The following MFN1 variants were observed in gnomAD, a reference collection of about 807,000 sequenced individuals.
MFN1 encodes the protein mitofusin 1.
Under a neutral mutation model 92.4 loss-of-function variants are expected in MFN1, and 65 were observed. The observed-to-expected ratio is 0.70, with a 90% confidence interval of 0.58 to 0.86. The LOEUF (loss-of-function observed/expected upper bound fraction) is 0.86. Among genes scored for constraint, MFN1 ranks in the 40% least tolerant of loss-of-function variants. The pLI is 0.00. For missense variants in MFN1, 781 were observed against 868.0 expected (o/e 0.90, Z 1.26); for synonymous variants, 297 against 300.9 (o/e 0.99, Z 0.13).
chr3:179,348,636 C>A, intron 1 of MFN1: 1 of 599,194 alleles, frequency 1.7e-6, no homozygotes, highest in Non-Finnish European at 2.5e-6. Flanking sequence ...AAGATTTTGG[C>A]TAATAGATTT....
At chr3:179,375,493 C>A in intron 10 of MFN1, 152 bp downstream of exon 10, 1 of 911,718 alleles carries the variant, frequency 1.1e-6, no homozygotes. Context: ...TTTTTAAGTG[C>A]GTATTTGAAA....
chr3:179,370,392 CTTTTTTT>C (rs34938438), intron 9 of MFN1, among the ~76,000 whole-genome samples: 18 of 88,072 alleles, frequency 2.0e-4, no homozygotes, highest in African/African-American at 8.1e-4. Flanking sequence ...TCACTAAGTT[CTTTTTTT>C]TTTTTTTTTT....
chr3:179,392,031 T>C lies in MFN1; in HGVS notation c.2198T>C (p.Phe733Ser). The C allele has an allele frequency of 6.2e-7, 1 of 1,611,594 alleles. No homozygotes were observed. The highest frequency in any genetic ancestry group is 2.2e-5 in the East Asian group (1 of 44,788). ...GAGCTGGAGAATTTTACTAAGCAGTTTCTACCTTCAAGCAATGAAGAATCC... is the reference window on the plus strand; with the variant it reads ...GAGCTGGAGAATTTTACTAAGCAGTCTCTACCTTCAAGCAATGAAGAATCC... ...ENELENFTKQFLPSSNEES is the reference protein window; with the variant it reads ...ENELENFTKQSLPSSNEES The change falls in exon 18 of 18, where the codon TTT becomes TCT. Residue 733 changes from phenylalanine (F) to serine (S), a missense_variant. Coordinates refer to ENST00000471841, the MANE Select transcript of MFN1 (RefSeq NM_033540.3).
chr3:179,384,144 T>TTG (rs1389724871), intron 14 of MFN1, among the ~76,000 whole-genome samples: 1 of 152,226 alleles, frequency 6.6e-6, no homozygotes, highest in Non-Finnish European at 1.5e-5. Flanking sequence ...GGTATCAGTG[T>TTG]TGTAGGATGT....
intron 1 of MFN1, chr3:179,348,085 T>TG: frequency 6.6e-6 from 1 of 152,388 alleles, no homozygotes; most frequent in Non-Finnish European, 1.5e-5. Flanking sequence ...CCCTGACTCC[T>TG]GCGCCCGGTG....
At position 179,394,373 on chromosome 3, in the gene MFN1, T is replaced by C. The variant is rs1167586757; in HGVS notation, c.*2314T>C. On this transcript the variant is annotated 3_prime_UTR_variant, in exon 18 of 18. Transcript: ENST00000471841. ...TGATCAATTGTGAAAACATAATGAA[T>C]GTTGGAAATGGAACAGTAAAATAAC... 1 of 151,856 alleles carries C rather than the reference T, an allele frequency of 6.6e-6. No individual in the cohort carries two copies. The highest frequency in any genetic ancestry group is 1.5e-5 in the Non-Finnish European group (1 of 68,032). The allele number at this position is 151,856 out of a possible 1,614,324, so 9.4% of individuals were successfully genotyped here.
At chr3:179,370,176 A>G (rs1390511601) in intron 9 of MFN1, among the ~76,000 whole-genome samples, 1 of 151,966 alleles carries the variant, frequency 6.6e-6, no homozygotes, top group Non-Finnish European at 1.5e-5. Flanking sequence ...AAATTGGTGT[A>G]TTTCTGAACA....
At chr3:179,350,606 T>C (rs1712107438) in intron 2 of MFN1, among the ~76,000 whole-genome samples, 1 of 152,148 alleles carries the variant, frequency 6.6e-6, no homozygotes, top group Admixed American at 6.5e-5. Context: ...GTAAAAATGT[T>C]GCAAAAAGGA....
At chr3:179,376,531 T>C (rs1713247515) in intron 10 of MFN1, among the ~76,000 whole-genome samples, 1 of 152,166 alleles carries the variant, frequency 6.6e-6, no homozygotes, top group Non-Finnish European at 1.5e-5. Flanking sequence ...GAACAAACTT[T>C]TGTTTAAAAA....
rs146784006 is a variant in MFN1, at chr3:179,386,857, A to G, written c.2012+228A>G. 5.4e-4 allele frequency among the ~76,000 whole-genome samples: 82 copies of G among 152,230 alleles called. 3 individuals carry two copies. In the East Asian group the frequency reaches 6.6e-3, roughly 12 times the overall value. The stretch of plus-strand genomic sequence containing the variant: ...TTCTCCTGATAGATTAGGTTTGAAC[A>G]TTAGAAAATTGGTAGATAGGAACTC... On this transcript the variant is annotated intron_variant, in intron 16 of 17. Coordinates refer to ENST00000471841, the MANE Select transcript of MFN1 (RefSeq NM_033540.3).
At chr3:179,387,815 G>A (rs192325809) in intron 16 of MFN1, among the ~76,000 whole-genome samples, 9 of 146,690 alleles carry the variant, frequency 6.1e-5, no homozygotes, top group Non-Finnish European at 1.0e-4. Flanking sequence ...CACAACCTCC[G>A]CCTCCCAGGT....
Position 179,386,606 on chromosome 3 carries a change from A to G in MFN1, c.1989A>G (p.Ala663=). 1 of 1,611,430 alleles carries G rather than the reference A, an allele frequency of 6.2e-7. No homozygotes were observed. The highest frequency in any genetic ancestry group is 8.5e-7 in the Non-Finnish European group (1 of 1,179,106). The change falls in exon 16 of 18, where the codon GCA becomes GCG. Residue 663 remains alanine, a synonymous_variant. Coordinates refer to ENST00000471841, the MANE Select transcript of MFN1 (RefSeq NM_033540.3). ...GGATGATTGTTAGCTCCACGAGTGCAAACTGCAGTCACCAAGTAAAACAGT... is the reference window on the plus strand; with the variant it reads ...GGATGATTGTTAGCTCCACGAGTGCGAACTGCAGTCACCAAGTAAAACAGT... ...KLRMIVSSTS[A]NCSHQVKQQI...
chr3:179,384,556 T>C (rs1462020296), intron 14 of MFN1, among the ~76,000 whole-genome samples: 3 of 152,236 alleles, frequency 2.0e-5, no homozygotes, highest in Admixed American at 6.5e-5. Context: ...TTCTCACATA[T>C]ATGATTTCCA....
chr3:179,350,879 C>T (rs1326024187), intron 2 of MFN1, among the ~76,000 whole-genome samples: 11 of 152,086 alleles, frequency 7.2e-5, no homozygotes, highest in East Asian at 3.9e-4. Context: ...TTTTTTGAGA[C>T]GATGTCTCAC....
intron 3 of MFN1, among the ~76,000 whole-genome samples, chr3:179,356,836 C>T (rs932477040): frequency 4.6e-5 from 7 of 152,118 alleles, no homozygotes; most frequent in Non-Finnish European, 1.0e-4. Flanking sequence ...GGAGGTCCAT[C>T]ACCCAATGTA....
intron 7 of MFN1, 69 bp from the exon 8 acceptor site, chr3:179,367,370 G>A (rs904974407): frequency 6.7e-6 from 9 of 1,343,454 alleles, no homozygotes; most frequent in Admixed American, 2.2e-5. Flanking sequence ...AGTAAGTATT[G>A]GTCTATAGTC....
chr3:179,377,990 G>C (rs2108548750), intron 12 of MFN1, among the ~76,000 whole-genome samples: 1 of 152,216 alleles, frequency 6.6e-6, no homozygotes, highest in East Asian at 1.9e-4. Flanking sequence ...AAACCGGAAG[G>C]CAGAAGTGGC....
At chr3:179,365,448 C>CT (rs923426590) in intron 7 of MFN1, among the ~76,000 whole-genome samples, 2 of 152,036 alleles carry the variant, frequency 1.3e-5, no homozygotes. Flanking sequence ...CTTGAAAGTT[C>CT]TTTTTTGTTT....
chr3:179,348,875 G>A lies in MFN1; in HGVS notation c.24G>A (p.Leu8=). 1 of 1,609,918 alleles carries A rather than the reference G, an allele frequency of 6.2e-7. No individual in the cohort carries two copies. The highest frequency in any genetic ancestry group is 8.5e-7 in the Non-Finnish European group (1 of 1,176,810). The part of the protein sequence containing the change: MAEPVSP[L]KHFVLAKKAI... The stretch of plus-strand genomic sequence containing the variant: ...TAATGGCAGAACCTGTTTCTCCACT[G>A]AAGCACTTTGTGCTGGCTAAGAAGG... The change falls in exon 2 of 18, where the codon CTG becomes CTA. Residue 8 remains leucine, a synonymous_variant. Coordinates refer to ENST00000471841, the MANE Select transcript of MFN1 (RefSeq NM_033540.3).
Sources: allele counts gnomAD v4.1 joint callset (sites outside exome capture counted in the v4.1 genomes callset), GRCh38; gene constraint gnomAD v4.1.1; transcripts MANE v1.5; gene names NCBI Gene and HGNC (gene_info 2026-07-23, HGNC 2026-07-21).